TMOD1: variants seen among roughly 807,000 people sequenced by gnomAD.
TMOD1 encodes tropomodulin-1.
TMOD1 carries 17 observed loss-of-function variants against 40.6 expected under a neutral mutation model. The ratio of observed to expected loss-of-function variants is 0.42; its 90% CI spans 0.29 to 0.63. TMOD1 has a LOEUF of 0.63. TMOD1 is among the 20% of genes least tolerant of loss of function. The pLI, the probability that TMOD1 is intolerant of heterozygous loss-of-function variation, is 0.22. For synonymous variants in TMOD1, 181 were observed against 175.0 expected (o/e 1.03, Z -0.27); for missense variants, 391 against 447.6 (o/e 0.87, Z 1.14).
chr9:97,553,985 C>T (rs538881737), intron 4 of TMOD1, among the ~76,000 whole-genome samples: 1 of 152,280 alleles, frequency 6.6e-6, no homozygotes, highest in South Asian at 2.1e-4. Flanking sequence ...TCCCTGCCTC[C>T]CCCGACTTCT....
At chr9:97,518,426 C>G (rs1451067744) in intron 1 of TMOD1, among the ~76,000 whole-genome samples, 1 of 152,278 alleles carries the variant, frequency 6.6e-6, no homozygotes, top group Non-Finnish European at 1.5e-5. Flanking sequence ...AGCCAACACA[C>G]TTCTGTTGTT....
At chr9:97,564,583 G>T (rs561640533) in intron 6 of TMOD1, among the ~76,000 whole-genome samples, 1 of 152,336 alleles carries the variant, frequency 6.6e-6, no homozygotes, top group East Asian at 1.9e-4. Flanking sequence ...CCCTGGGCAG[G>T]CCCCTCCCCT....
rs189458544 is a variant in TMOD1 at position 97,533,709 on chromosome 9, A to G, written c.120+9401A>G. Among the ~76,000 whole-genome samples the G allele has an allele frequency of 1.5e-3, 233 of 152,358 alleles. 2 individuals carry two copies. The highest frequency in any genetic ancestry group is 5.2e-3 in the African/African-American group (217 of 41,584). The stretch of plus-strand genomic sequence containing the variant: ...TAAAAGGGCTCTGGACCCTCATTTT[A>G]CAGATGGGGGATCCAAAACCAGAGA... On this transcript the variant is annotated intron_variant, in intron 2 of 9. Coordinates refer to ENST00000259365, the MANE Select transcript of TMOD1 (RefSeq NM_003275.4).
chr9:97,581,202 A>T (rs1825745502), intron 8 of TMOD1, among the ~76,000 whole-genome samples: 2 of 121,894 alleles, frequency 1.6e-5, no homozygotes, highest in South Asian at 2.7e-4. Flanking sequence ...TGTCCATGTG[A>T]TCTCATTGTT....
intron 3 of TMOD1, among the ~76,000 whole-genome samples, chr9:97,551,016 T>TATGTATATATA (rs1563987965): frequency 1.8e-4 from 1 of 5,558 alleles, no homozygotes; most frequent in African/African-American, 7.7e-4. Context: ...ATATATATAT[T>TATGTATATATA]TTTTTTTTTT....
intron 7 of TMOD1, among the ~76,000 whole-genome samples, chr9:97,567,622 C>T (rs758064400): frequency 1.9e-4 from 29 of 152,166 alleles, no homozygotes; most frequent in Non-Finnish European, 3.7e-4. Context: ...TTAAGCCAGG[C>T]CAGGCCTTTC....
intron 8 of TMOD1, among the ~76,000 whole-genome samples, chr9:97,571,174 G>C (rs1830811933): frequency 6.6e-6 from 1 of 152,234 alleles, no homozygotes; most frequent in Admixed American, 6.5e-5. Flanking sequence ...CTGGCAGGAA[G>C]TCAGGGTCTA....
chr9:97,546,921 T>C (rs1349520528), intron 3 of TMOD1, among the ~76,000 whole-genome samples: 3 of 90,704 alleles, frequency 3.3e-5, no homozygotes, highest in Admixed American at 1.7e-4. Context: ...AGAGTAAGAC[T>C]CCGTCTCCAA....
intron 2 of TMOD1, among the ~76,000 whole-genome samples, chr9:97,532,354 G>C (rs955911848): frequency 1.3e-5 from 2 of 151,862 alleles, no homozygotes; most frequent in East Asian, 1.9e-4. Flanking sequence ...GAACCTCCTC[G>C]ACCTGGAACC....
intron 9 of TMOD1, among the ~76,000 whole-genome samples, chr9:97,595,329 C>CT (rs2131295629): frequency 6.6e-6 from 1 of 152,320 alleles, no homozygotes; most frequent in African/African-American, 2.4e-5. Context: ...CCTTATTCCT[C>CT]TTGTCCAACT....
At chr9:97,594,791 C>T (rs1587966780) in intron 9 of TMOD1, among the ~76,000 whole-genome samples, 1 of 152,164 alleles carries the variant, frequency 6.6e-6, no homozygotes, top group South Asian at 2.1e-4. Flanking sequence ...CTGCGTTTTC[C>T]CACAGCAATA....
chr9:97,576,697 G>A (rs896515687), intron 8 of TMOD1, among the ~76,000 whole-genome samples: 3 of 151,002 alleles, frequency 2.0e-5, no homozygotes, highest in Non-Finnish European at 4.4e-5. Context: ...GCAGTGGCAC[G>A]ATCTCGGCTC....
chr9:97,592,676 G>C (rs892263610), intron 9 of TMOD1, among the ~76,000 whole-genome samples: 1 of 152,204 alleles, frequency 6.6e-6, no homozygotes, highest in Non-Finnish European at 1.5e-5. Flanking sequence ...GTGTGTAGGA[G>C]TGAATGCTCA....
chr9:97,597,233 A>AGG (rs1279434138), intron 9 of TMOD1, among the ~76,000 whole-genome samples: 1 of 152,270 alleles, frequency 6.6e-6, no homozygotes, highest in Non-Finnish European at 1.5e-5. Context: ...ACAGAATTGA[A>AGG]GGAGGATATT....
chr9:97,593,802 C>CT (rs1330100555), intron 9 of TMOD1, among the ~76,000 whole-genome samples: 1 of 151,888 alleles, frequency 6.6e-6, no homozygotes, highest in East Asian at 1.9e-4. Flanking sequence ...AGGCATCCCT[C>CT]TGGGGGTTCT....
At chr9:97,571,454 C>T (rs1830816976) in intron 8 of TMOD1, among the ~76,000 whole-genome samples, 1 of 152,224 alleles carries the variant, frequency 6.6e-6, no homozygotes, top group Non-Finnish European at 1.5e-5. Flanking sequence ...CAGATGTAAA[C>T]TCTGAAGTTG....
At chr9:97,528,314 G>A (rs1272018199) in intron 2 of TMOD1, among the ~76,000 whole-genome samples, 8 of 152,174 alleles carry the variant, frequency 5.3e-5, no homozygotes, top group Admixed American at 2.6e-4. Flanking sequence ...ACTCTGGCAG[G>A]AGAAAAGTAA....
At chr9:97,532,061 T>C (rs976723633) in intron 2 of TMOD1, among the ~76,000 whole-genome samples, 1 of 152,186 alleles carries the variant, frequency 6.6e-6, no homozygotes, top group Non-Finnish European at 1.5e-5. Context: ...ACTCTTGCCA[T>C]CCAGGAAGCA....
At chr9:97,593,244 G>A (rs1826036859) in intron 9 of TMOD1, among the ~76,000 whole-genome samples, 1 of 152,184 alleles carries the variant, frequency 6.6e-6, no homozygotes, top group Non-Finnish European at 1.5e-5. Flanking sequence ...AGAGGTCACA[G>A]GTGCTGCAGG....
Sources: allele counts gnomAD v4.1 joint callset (sites outside exome capture counted in the v4.1 genomes callset), GRCh38; gene constraint gnomAD v4.1.1; transcripts MANE v1.5; gene names NCBI Gene and HGNC (gene_info 2026-07-23, HGNC 2026-07-21).